MGAM2: variants seen among roughly 807,000 people sequenced by gnomAD.
MGAM2 encodes the protein maltase-glucoamylase 2 (putative), also known as probable maltase-glucoamylase 2.
MGAM2 carries 98 observed loss-of-function variants against 96.1 expected under a neutral mutation model. The ratio of observed to expected loss-of-function variants is 1.02; its 90% CI spans 0.87 to 1.21. MGAM2 has a LOEUF of 1.21. Ranked by LOEUF, MGAM2 falls within the 50% of genes most tolerant of loss-of-function variation. MGAM2 has a pLI of 0.00. For missense variants in MGAM2, 2,055 were observed against 1,182.4 expected (o/e 1.74, Z -10.82); for synonymous variants, 749 against 414.8 (o/e 1.81, Z -9.79).
intron 14 of MGAM2, among the ~76,000 whole-genome samples, chr7:142,147,160 T>G (rs1210676773): frequency 6.6e-6 from 1 of 152,230 alleles, no homozygotes; most frequent in Non-Finnish European, 1.5e-5. Flanking sequence ...GCTTTATACT[T>G]AGGCTCAGAT....
rs1794870810 is a variant in MGAM2 at position 142,131,051 on chromosome 7, GC to G, written c.292del (p.His98IlefsTer12). On this transcript the variant is annotated frameshift_variant, in exon 4 of 48. Transcript: ENST00000477922. LOFTEE classifies it high-confidence loss of function. Reference sequence around the variant, plus strand: ...AACTGGGGCTATGAAGCCAGCAATGGCCATACAAATACAAGCACAGGTGAGC... The same window carrying G: ...AACTGGGGCTATGAAGCCAGCAATGGCATACAAATACAAGCACAGGTGAGC... ...PWNWGYEASN[G>X]HTNTSTGFTA... The G allele has an allele frequency of 1.4e-6, 1 of 702,658 alleles. No individual in the cohort carries two copies. The highest frequency in any genetic ancestry group is 2.6e-6 in the Non-Finnish European group (1 of 385,006). 43.5% of individuals were successfully genotyped at this position (702,658 alleles called of 1,614,324 possible). A position where few individuals can be genotyped will look rare whatever the true frequency, so the allele number is the denominator to read the frequency against.
intron 32 of MGAM2, among the ~76,000 whole-genome samples, chr7:142,181,140 CT>C: frequency 6.6e-6 from 1 of 152,302 alleles, no homozygotes; most frequent in South Asian, 2.1e-4. Context: ...GGTTCTTGTG[CT>C]GATTCTTTCT....
intron 33 of MGAM2, among the ~76,000 whole-genome samples, chr7:142,184,624 A>AT (rs1470077133): frequency 3.9e-5 from 6 of 152,174 alleles, no homozygotes; most frequent in Non-Finnish European, 7.3e-5. Flanking sequence ...GGTACTATGG[A>AT]TTTTTTAATG....
At chr7:142,182,398 T>C (rs1340408049) in intron 32 of MGAM2, among the ~76,000 whole-genome samples, 2 of 152,162 alleles carry the variant, frequency 1.3e-5, no homozygotes, top group African/African-American at 4.8e-5. Flanking sequence ...GCAGATCAGA[T>C]GCACCCTTGT....
At chr7:142,118,082 A>G (rs1004825033) in intron 2 of MGAM2, among the ~76,000 whole-genome samples, 2 of 152,090 alleles carry the variant, frequency 1.3e-5, no homozygotes, top group East Asian at 1.9e-4. Context: ...ATTGTTATCT[A>G]TTGAAACAAT....
intron 35 of MGAM2, 133 bp downstream of exon 35, chr7:142,186,256 A>G: frequency 1.6e-6 from 1 of 611,812 alleles, no homozygotes; most frequent in South Asian, 2.0e-5. Context: ...CTGTTACAGA[A>G]TCTAGGTGCT....
chr7:142,131,376 T>C (rs1794883014), intron 4 of MGAM2, 142 bp from the exon 5 acceptor site: 1 of 606,944 alleles, frequency 1.6e-6, no homozygotes, highest in Middle Eastern at 2.6e-4. Flanking sequence ...AGGTGGAGGT[T>C]GCAGTGAGCC....
At position 142,170,889 on chromosome 7, in the gene MGAM2, T is replaced by C. The variant is rs575592954; in HGVS notation, c.3183-383T>C. Among the ~76,000 whole-genome samples the C allele has an allele frequency of 3.3e-5, 5 of 152,340 alleles. No homozygotes were observed. The South Asian group carries it at 1.0e-3, about 32-fold the overall frequency. On this transcript the variant is annotated intron_variant, in intron 27 of 47. Coordinates refer to ENST00000477922, the MANE Select transcript of MGAM2 (RefSeq NM_001293626.2). ...TTTGGTAAGAAGTCCTTTGGCCAAC[T>C]CAAGAGAAGTTGTTCTAAGAGTTTC...
intron 3 of MGAM2, among the ~76,000 whole-genome samples, chr7:142,129,927 A>G (rs1360739228): frequency 6.7e-6 from 1 of 149,786 alleles, no homozygotes; most frequent in Non-Finnish European, 1.5e-5. Context: ...CTGTTTTATA[A>G]ACAGATTTGT....
chr7:142,149,697 C>A (rs1163578811), intron 15 of MGAM2, among the ~76,000 whole-genome samples: 1 of 152,102 alleles, frequency 6.6e-6, no homozygotes, highest in South Asian at 2.1e-4. Flanking sequence ...GCTGCCACCA[C>A]GCCCGGCTAA....
In MGAM2 at chr7:142,220,356, A is replaced by G. The variant is rs761179575; in HGVS notation, c.5845A>G (p.Ile1949Val). The change falls in exon 48 of 48, where the codon ATT becomes GTT. Residue 1949 changes from isoleucine to valine, a missense_variant. By Grantham distance (29) the Ile-to-Val change is conservative. Coordinates refer to ENST00000477922, the MANE Select transcript of MGAM2 (RefSeq NM_001293626.2). ...ITTTCFATSTIGVTTNATVPD... is the reference protein window; with the variant it reads ...ITTTCFATSTVGVTTNATVPD... ...AACCACATGTTTTGCAACAAGTACT[A>G]TTGGTGTTACAACTAATGCTACTGT... 1.4e-6 allele frequency: 1 copy of G among 702,652 alleles called. No individual in the cohort carries two copies. The highest frequency in any genetic ancestry group is 1.5e-5 in the South Asian group (1 of 67,580). 43.5% of individuals were successfully genotyped at this position (702,652 alleles called of 1,614,324 possible).
chr7:142,218,067 G>A (rs1319315937), intron 46 of MGAM2, among the ~76,000 whole-genome samples: 1 of 152,156 alleles, frequency 6.6e-6, no homozygotes, highest in East Asian at 1.9e-4. Flanking sequence ...CTGGGTGACA[G>A]AGTGAGACTC....
chr7:142,197,489 T>C lies in MGAM2; in HGVS notation c.4722T>C (p.Tyr1574=). Residue 1574 remains tyrosine (Y), a synonymous_variant, in exon 41 of 48, where the codon TAT becomes TAC. Transcript: ENST00000477922. ...GATATACCCTGCTTCCTTATCTCTA[T>C]ACTCTGATGCATAAAGCTCACGTTG... The part of the protein sequence containing the change: ...ETRYTLLPYL[Y]TLMHKAHVEG... 1 of 703,130 alleles carries C rather than the reference T, an allele frequency of 1.4e-6. No homozygotes were observed. The highest frequency in any genetic ancestry group is 2.6e-6 in the Non-Finnish European group (1 of 385,028). The allele number at this position is 703,130 out of a possible 1,614,324, so 43.6% of individuals were successfully genotyped here.
At chr7:142,206,756 A>G (rs1797413916) in intron 45 of MGAM2, among the ~76,000 whole-genome samples, 2 of 152,232 alleles carry the variant, frequency 1.3e-5, no homozygotes, top group Admixed American at 1.3e-4. Context: ...TAAACATCAA[A>G]TATGCTTAAA....
Position 142,196,238 on chromosome 7 carries a change from G to A in MGAM2, c.4431G>A (p.Arg1477=), listed in dbSNP as rs1049807577. The change falls in exon 38 of 48, where the codon CGG becomes CGA. Residue 1477 remains arginine, a synonymous_variant. Transcript: ENST00000477922. The stretch of plus-strand genomic sequence containing the variant: ...CTTCTGGACGCTGGGGAGGACACCG[G>A]TTGGGAAACAACACAGCTGCATGGG... ...FPSSGRWGGH[R]LGNNTAAWDQ... is the part of the protein sequence containing the mutation. 6 of 945,140 alleles carry A rather than the reference G, an allele frequency of 6.3e-6. No homozygotes were observed. Among genetic ancestry groups the A allele is most frequent in the Non-Finnish European group, 6.7e-6 (4 of 592,636 alleles). The allele number at this position is 945,140 out of a possible 1,614,324, so 58.5% of individuals were successfully genotyped here.
At chr7:142,191,638 G>A (rs890577464) in intron 37 of MGAM2, among the ~76,000 whole-genome samples, 8 of 151,452 alleles carry the variant, frequency 5.3e-5, no homozygotes, top group African/African-American at 1.9e-4. Flanking sequence ...GTACCACACT[G>A]TCTTAATTGA....
intron 1 of MGAM2, among the ~76,000 whole-genome samples, chr7:142,114,746 GA>G (rs1158839046): frequency 1.3e-5 from 2 of 152,008 alleles, no homozygotes; most frequent in South Asian, 2.1e-4. Context: ...AATAGAGGGG[GA>G]AAAATAAGAA....
intron 23 of MGAM2, among the ~76,000 whole-genome samples, chr7:142,163,475 T>G (rs749252300): frequency 5.9e-5 from 9 of 152,214 alleles, no homozygotes; most frequent in African/African-American, 2.2e-4. Context: ...ACAGATGAGG[T>G]TTCACCGTGT....
intron 3 of MGAM2, among the ~76,000 whole-genome samples, chr7:142,121,200 CAG>C (rs879679657): frequency 9.9e-5 from 15 of 151,750 alleles, no homozygotes; most frequent in South Asian, 2.1e-4. Context: ...TTTTTTGAGA[CAG>C]AGTCTCACCT....
Sources: allele counts gnomAD v4.1 joint callset (sites outside exome capture counted in the v4.1 genomes callset), GRCh38; gene constraint gnomAD v4.1.1; transcripts MANE v1.5; gene names NCBI Gene and HGNC (gene_info 2026-07-23, HGNC 2026-07-21).